Variants in MUC5B observed in about 807,000 individuals in gnomAD.
The protein encoded by MUC5B is mucin 5B, oligomeric mucus/gel-forming, also known as mucin-5B.
In MUC5B, 116 loss-of-function variants were observed where a neutral mutation model predicts 376.9. That is an observed-to-expected ratio of 0.31 (90% CI 0.26 to 0.36). The LOEUF is 0.36. Among genes scored for constraint, MUC5B ranks in the 10% least tolerant of loss-of-function variants. The pLI is 1.00. For synonymous variants in MUC5B, 3,517 were observed against 3,390.9 expected (o/e 1.04, Z -1.29); for missense variants, 7,165 against 7,769.9 (o/e 0.92, Z 2.93).
intron 16 of MUC5B, 21 bp downstream of exon 16, chr11:1,232,565 C>T (rs756790122): frequency 6.2e-7 from 1 of 1,606,556 alleles, no homozygotes; most frequent in African/African-American, 1.3e-5. Flanking sequence ...GAGGCCAGAC[C>T]CCCACGCCTG....
In MUC5B at chr11:1,244,692, C is replaced by T; in HGVS notation, c.7812C>T (p.His2604=). ...CCTCCTCCACCCCAGGAACAGCTCACACTACCAAAGTGCTGACTACCACAA... is the reference window on the plus strand; with the variant it reads ...CCTCCTCCACCCCAGGAACAGCTCATACTACCAAAGTGCTGACTACCACAA... ...ATPSSTPGTA[H]TTKVLTTTTT... The change falls in exon 31 of 49, where the codon CAC becomes CAT. Residue 2604 remains histidine (H), a synonymous_variant. Transcript: ENST00000529681. 1.2e-6 allele frequency: 2 copies of T among 1,612,842 alleles called. No individual in the cohort carries two copies. Among genetic ancestry groups the T allele is most frequent in the Non-Finnish European group, 1.7e-6 (2 of 1,179,168 alleles).
In MUC5B at chr11:1,249,598, C is replaced by T. The variant is rs200770447; in HGVS notation, c.12718C>T (p.Pro4240Ser). ...CCCGGCCACCAGCTCTACGGCCATG[C>T]CCTCCTCCACTCCGGGGACGACCTG... ...STPATSSTAM[P>S]SSTPGTTWIL... Residue 4240 changes from proline (P) to serine (S), a missense_variant, in exon 31 of 49, where the codon CCC (proline) becomes TCC (serine). Around this residue, in one of 31 missense-constraint regions of MUC5B, gnomAD observed 431 missense variants for 390.4 expected, o/e 1.10. Coordinates refer to ENST00000529681, the MANE Select transcript of MUC5B (RefSeq NM_002458.3). The T allele has an allele frequency of 1.1e-3, 1,813 of 1,611,796 alleles. 42 individuals carry two copies. Among genetic ancestry groups the T allele is most frequent in the Non-Finnish European group, 1.3e-3 (1,514 of 1,178,656 alleles).
Position 1,223,140 on chromosome 11 carries a change from C to T in MUC5B, c.17C>T (p.Ala6Val), listed in dbSNP as rs765088008. 22 of 706,708 alleles carry T rather than the reference C, an allele frequency of 3.1e-5. No homozygotes were observed. The highest frequency in any genetic ancestry group is 4.4e-5 in the South Asian group (3 of 67,458). The allele number at this position is 706,708 out of a possible 1,614,324, so 43.8% of individuals were successfully genotyped here. Residue 6 changes from alanine (A) to valine (V), a missense_variant, in exon 1 of 49, where the codon GCG becomes GTG. By Grantham distance (64) the Ala-to-Val change is moderately conservative. Around this residue, in one of 31 missense-constraint regions of MUC5B, gnomAD observed 640 missense variants for 733.0 expected, o/e 0.87. Coordinates refer to ENST00000529681, the MANE Select transcript of MUC5B (RefSeq NM_002458.3). MGAPS[A>V]CRTLVLALAA... ...GCCCCCAGGATGGGTGCCCCGAGCG[C>T]GTGCCGGACGCTGGTGTTGGCTCTG...
At chr11:1,224,129 C>T (rs1217221260) in intron 1 of MUC5B, among the ~76,000 whole-genome samples, 1 of 152,244 alleles carries the variant, frequency 6.6e-6, no homozygotes, top group Non-Finnish European at 1.5e-5. Context: ...GCATCTGATT[C>T]TTCCGGGCCA....
chr11:1,229,616 C>T lies in MUC5B; in HGVS notation c.1103-74C>T, dbSNP rs1861974807. On this transcript the variant is annotated intron_variant, in intron 9 of 48. Coordinates refer to ENST00000529681, the MANE Select transcript of MUC5B (RefSeq NM_002458.3). ...TTCCTCCCCAAGGGAGGCAGCTTGTCCCCAAGGCCGGTGTCTTCTGACCTT... is the reference window on the plus strand; with the variant it reads ...TTCCTCCCCAAGGGAGGCAGCTTGTTCCCAAGGCCGGTGTCTTCTGACCTT... 19 of 1,323,246 alleles carry T rather than the reference C, an allele frequency of 1.4e-5. No homozygotes were observed. The South Asian group carries it at 2.4e-4, about 17-fold the overall frequency. The allele number at this position is 1,323,246 out of a possible 1,614,324, so 82.0% of individuals were successfully genotyped here. A position where few individuals can be genotyped will look rare whatever the true frequency, so the allele number is the denominator to read the frequency against.
In MUC5B at chr11:1,242,162, G is replaced by GCACGCC; in HGVS notation, c.5285_5290dup (p.Thr1762_Pro1763dup). 1 of 1,613,490 alleles carries GCACGCC rather than the reference G, an allele frequency of 6.2e-7. No homozygotes were observed. Among genetic ancestry groups the GCACGCC allele is most frequent in the South Asian group, 1.1e-5 (1 of 91,082 alleles). The stretch of plus-strand genomic sequence containing the variant: ...CTGTCCACCTCTCAGGCCGAGACCA[G>GCACGCC]CACGCCCAGGACAGAGACGACAATG... On this transcript the variant is annotated inframe_insertion, in exon 31 of 49. Coordinates refer to ENST00000529681, the MANE Select transcript of MUC5B (RefSeq NM_002458.3).
At chr11:1,240,596 T>C (rs1294032362) in intron 30 of MUC5B, among the ~76,000 whole-genome samples, 3 of 152,252 alleles carry the variant, frequency 2.0e-5, no homozygotes, top group South Asian at 2.1e-4. Context: ...AAGGAGACAA[T>C]AAAGCTTTCC....
In MUC5B at chr11:1,253,997, G is replaced by C; in HGVS notation, c.15218-95G>C. 6.7e-7 allele frequency: 1 copy of C among 1,500,584 alleles called. No homozygotes were observed. Among genetic ancestry groups the C allele is most frequent in the Non-Finnish European group, 8.9e-7 (1 of 1,122,000 alleles). The allele number at this position is 1,500,584 out of a possible 1,614,324, so 93.0% of individuals were successfully genotyped here. On this transcript the variant is annotated intron_variant, in intron 33 of 48. Transcript: ENST00000529681. This position sits in a 1 kb window ranked among gnomAD's most constrained non-coding sequence, Gnocchi z 4.3. ...CCCAGGGGCTTCAGTGGCTCCCCAA[G>C]GCGGCAGTCACAGTGGTGACGCTGG...
In MUC5B at chr11:1,244,941, C is replaced by T. The variant is rs753128254; in HGVS notation, c.8061C>T (p.Pro2687=). The T allele has an allele frequency of 1.9e-6, 3 of 1,581,410 alleles. No individual in the cohort carries two copies. The highest frequency in any genetic ancestry group is 2.6e-6 in the Non-Finnish European group (3 of 1,164,458). ...PSSSTQTSGT[P]PSLTTTATTI... is the part of the protein sequence containing the mutation. ...CTAGCACACAGACCAGTGGTACTCC[C>T]CCATCACTGACCACCACGGCCACTA... is the stretch of plus-strand genomic sequence containing the variant. The change falls in exon 31 of 49, where the codon CCC becomes CCT. Residue 2687 remains proline, a synonymous_variant. Transcript: ENST00000529681.
chr11:1,224,269 G>C (rs1861828927), intron 1 of MUC5B, among the ~76,000 whole-genome samples: 1 of 152,160 alleles, frequency 6.6e-6, no homozygotes. Flanking sequence ...TTAGTCACCA[G>C]ATGCACGTCC....
rs569667968 is a variant in MUC5B at position 1,251,076 on chromosome 11, A to C, written c.14196A>C (p.Ala4732=). ...CTTCCTCCTCCAGTCCAAGGACTGC[A>C]ACCACCCTTCCAGTGCTGACAAGCA... is the stretch of plus-strand genomic sequence containing the variant. The part of the protein sequence containing the change: ...KATSSSSPRT[A]TTLPVLTSTA... The change falls in exon 31 of 49, where the codon GCA becomes GCC. Residue 4732 remains alanine, a synonymous_variant. Transcript: ENST00000529681. 1.2e-6 allele frequency: 2 copies of C among 1,610,842 alleles called. No homozygotes were observed. Among genetic ancestry groups the C allele is most frequent in the Middle Eastern group, 1.6e-4 (1 of 6,062 alleles).
Position 1,244,220 on chromosome 11 carries a change from A to C in MUC5B, c.7340A>C (p.Glu2447Ala), listed in dbSNP as rs201530286. The change falls in exon 31 of 49, where the codon GAG (glutamate) becomes GCG (alanine). Residue 2447 changes from glutamate (E) to alanine (A), a missense_variant. Around this residue, in one of 31 missense-constraint regions of MUC5B, gnomAD observed 194 missense variants for 268.5 expected, o/e 0.72. Transcript: ENST00000529681. ...TELTTTATTT[E>A]STGSTATPSS... ...CTGACCACAACAGCCACTACGACTGAGTCCACTGGATCCACGGCCACCCCG... is the reference window on the plus strand; with the variant it reads ...CTGACCACAACAGCCACTACGACTGCGTCCACTGGATCCACGGCCACCCCG... The C allele has an allele frequency of 0.03, 47,623 of 1,606,196 alleles. 992 individuals are homozygous for C. Among genetic ancestry groups the C allele is most frequent in the Non-Finnish European group, 0.032 (38,178 of 1,175,164 alleles).
Position 1,244,979 on chromosome 11 carries a change from C to T in MUC5B, c.8099C>T (p.Thr2700Ile), listed in dbSNP as rs766025941. 1.7e-5 allele frequency: 26 copies of T among 1,557,328 alleles called. No individual in the cohort carries two copies. The East Asian group carries it at 3.4e-4, about 20-fold the overall frequency. Residue 2700 changes from threonine (T) to isoleucine (I), a missense_variant, in exon 31 of 49, where the codon ACC becomes ATC. Thr to Ile is a moderately conservative substitution (Grantham distance 89). Transcript: ENST00000529681. Reference protein sequence around the residue: ...LTTTATTITATGSTTNPSSTP... With the variant: ...LTTTATTITAIGSTTNPSSTP... ...ACCACGGCCACTACGATCACGGCCA[C>T]CGGCTCCACCACCAACCCCTCCTCA...
Position 1,254,894 on chromosome 11 carries a change from G to C in MUC5B, c.15664+14G>C. ...AGGGCCAGTGCGGTGAGTGGGCGGC[G>C]GGTCCTGCCCCGGCCAGGGCTGCTG... On this transcript the variant is annotated intron_variant, in intron 35 of 48. Coordinates refer to ENST00000529681, the MANE Select transcript of MUC5B (RefSeq NM_002458.3). 1.9e-6 allele frequency: 3 copies of C among 1,607,906 alleles called. No homozygotes were observed. Among genetic ancestry groups the C allele is most frequent in the Non-Finnish European group, 2.5e-6 (3 of 1,178,562 alleles).
At position 1,227,536 on chromosome 11, in the gene MUC5B, G is replaced by A. The variant is rs1861916157; in HGVS notation, c.667+138G>A. On this transcript the variant is annotated intron_variant, in intron 6 of 48. Coordinates refer to ENST00000529681, the MANE Select transcript of MUC5B (RefSeq NM_002458.3). Reference sequence around the variant, plus strand: ...GGGCCACGAGGACTGTGCCCTACATGGTGGGAGGAGTGCCCCTCGGGGGTG... The same window carrying A: ...GGGCCACGAGGACTGTGCCCTACATAGTGGGAGGAGTGCCCCTCGGGGGTG... 7.1e-6 allele frequency: 5 copies of A among 703,102 alleles called. No homozygotes were observed. In the Admixed American group the frequency reaches 8.5e-5, roughly 12 times the overall value. 43.6% of individuals were successfully genotyped at this position (703,102 alleles called of 1,614,324 possible).
chr11:1,257,543 G>T lies in MUC5B; in HGVS notation c.16283G>T (p.Trp5428Leu). The T allele has an allele frequency of 6.2e-7, 1 of 1,608,410 alleles. No individual in the cohort carries two copies. Residue 5428 changes from tryptophan (W) to leucine (L), a missense_variant, in exon 41 of 49, where the codon TGG (tryptophan) becomes TTG (leucine). Around this residue, in one of 31 missense-constraint regions of MUC5B, gnomAD observed 842 missense variants for 1,016.9 expected, o/e 0.83. Transcript: ENST00000529681. This position sits in a 1 kb window ranked among gnomAD's most constrained non-coding sequence, Gnocchi z 8.9. ...GATCCATTCCAGCCCGGGGAGCGGTGGGTCAGCAACTGCCAGTCCTGCGTG... is the reference window on the plus strand; with the variant it reads ...GATCCATTCCAGCCCGGGGAGCGGTTGGTCAGCAACTGCCAGTCCTGCGTG... ...DGFPKFPGERWVSNCQSCVCD... is the reference protein window; with the variant it reads ...DGFPKFPGERLVSNCQSCVCD...
chr11:1,245,659 C>T lies in MUC5B; in HGVS notation c.8779C>T (p.Leu2927=), dbSNP rs1164597402. The T allele has an allele frequency of 2.5e-6, 4 of 1,603,352 alleles. No homozygotes were observed. Among genetic ancestry groups the T allele is most frequent in the Non-Finnish European group, 8.5e-7 (1 of 1,175,610 alleles). ...TGCCCAGGCCCAGCCTGGTGTCCCC[C>T]TGCGGGAGTTGGGCCAGGTCGTGGA... The part of the protein sequence containing the change: ...CRAQAQPGVP[L]RELGQVVECS... The change falls in exon 31 of 49, where the codon CTG becomes TTG. Residue 2927 remains leucine, a synonymous_variant. Transcript: ENST00000529681.
Position 1,251,529 on chromosome 11 carries a change from G to A in MUC5B, c.14649G>A (p.Met4883Ile), listed in dbSNP as rs563958396. The change falls in exon 31 of 49, where the codon ATG becomes ATA. Residue 4883 changes from methionine to isoleucine, a missense_variant. Physicochemically the swap from Met to Ile is conservative, Grantham distance 10. Transcript: ENST00000529681. ...TAHTPKVVTT[M>I]ATMPTATAST... ...ACACCCCCAAAGTGGTGACCACCAT[G>A]GCCACTATGCCCACAGCCACTGCCT... The A allele has an allele frequency of 3.8e-6, 6 of 1,588,250 alleles. 1 individual carries two copies. The South Asian group carries it at 6.6e-5, about 18-fold the overall frequency.
rs1223483472 is a variant in MUC5B at position 1,259,220 on chromosome 11, AGTGAGACCCGAGGCACCTGCCCCCAG to A, written c.16713+194_16713+219del. Among the ~76,000 whole-genome samples the A allele has an allele frequency of 3.0e-3, 320 of 105,302 alleles. 2 individuals are homozygous for A. The highest frequency in any genetic ancestry group is 0.012 in the African/African-American group (304 of 26,012). 69.1% of individuals were successfully genotyped at this position (105,302 alleles called of 152,430 possible). A position where few individuals can be genotyped will look rare whatever the true frequency, so the allele number is the denominator to read the frequency against. On this transcript the variant is annotated intron_variant, in intron 44 of 48. Transcript: ENST00000529681. Reference sequence around the variant, plus strand: ...TGAGTCCCTGAGGCACTTGCCCCCAAGTGAGACCCGAGGCACCTGCCCCCAGGTGAGACCCGAGGCACCTGCCCCCA... The same window carrying A: ...TGAGTCCCTGAGGCACTTGCCCCCAAGTGAGACCCGAGGCACCTGCCCCCA...
Sources: allele counts gnomAD v4.1 joint callset (sites outside exome capture counted in the v4.1 genomes callset), GRCh38; gene constraint gnomAD v4.1.1; regional missense constraint gnomAD v4.1.1; non-coding constraint Gnocchi (gnomAD v3.1); transcripts MANE v1.5; gene names NCBI Gene and HGNC (gene_info 2026-07-23, HGNC 2026-07-21).